ITGA9: variants seen among roughly 807,000 people sequenced by gnomAD.
ITGA9 encodes integrin subunit alpha 9.
A neutral mutation model predicts 127.8 loss-of-function variants in ITGA9; 56 were observed. The observed-to-expected ratio is 0.44, with a 90% confidence interval of 0.35 to 0.55. The LOEUF (loss-of-function observed/expected upper bound fraction) is 0.55. ITGA9 is among the 20% of genes least tolerant of loss of function. ITGA9 has a pLI of 0.00. For synonymous variants in ITGA9, 508 were observed against 514.5 expected, an observed-to-expected ratio of 0.99 and a Z score of 0.17; for missense variants, 1,196 against 1,347.1, an observed-to-expected ratio of 0.89 and a Z score of 1.76.
rs1484744950 is a variant in ITGA9 at position 37,471,107 on chromosome 3, A to T, written c.286A>T (p.Arg96Ter). The T allele has an allele frequency of 6.2e-7, 1 of 1,614,048 alleles. No homozygotes were observed. The highest frequency in any genetic ancestry group is 1.7e-5 in the Admixed American group (1 of 60,024). The change falls in exon 2 of 28, where the codon AGA (arginine) becomes TGA (stop). Residue 96 changes from arginine (R) to a stop codon, truncating the protein, a stop_gained. Coordinates refer to ENST00000264741, the MANE Select transcript of ITGA9 (RefSeq NM_002207.3). LOFTEE classifies it high-confidence loss of function. ...KCRVHTNPDR[R>*]CTELDMARGK... is the part of the protein sequence containing the mutation. The stretch of plus-strand genomic sequence containing the variant: ...CCGTGTTCACACCAACCCTGACCGG[A>T]GATGCACCGAACTGGACATGGCTCG...
Position 37,750,531 on chromosome 3 carries a change from T to C in ITGA9, c.2503T>C (p.Ser835Pro). 1 of 1,613,758 alleles carries C rather than the reference T, an allele frequency of 6.2e-7. No individual in the cohort carries two copies. The highest frequency in any genetic ancestry group is 8.5e-7 in the Non-Finnish European group (1 of 1,179,622). The stretch of plus-strand genomic sequence containing the variant: ...CATCTCTTTCCCTAATCGACTCTCA[T>C]CTGGTGGTGCAGAGATGTTTCATGT... ...VSISFPNRLS[S>P]GGAEMFHVQE... Residue 835 changes from serine (S) to proline (P), a missense_variant, in exon 23 of 28, where the codon TCT (serine) becomes CCT (proline). Physicochemically the swap from Ser to Pro is moderately conservative, Grantham distance 74. Coordinates refer to ENST00000264741, the MANE Select transcript of ITGA9 (RefSeq NM_002207.3).
rs188040698 is a variant in ITGA9 at position 37,816,731 on chromosome 3, T to C, written c.3010-2160T>C. ...GTGTGGGGGCGTCAGAACATGGCAT[T>C]CTGATGAATGTGGTCTTATGCTGGG... is the stretch of plus-strand genomic sequence containing the variant. On this transcript the variant is annotated intron_variant, in intron 27 of 27. Coordinates refer to ENST00000264741, the MANE Select transcript of ITGA9 (RefSeq NM_002207.3). Among the ~76,000 whole-genome samples, 19 of 152,270 alleles carry C rather than the reference T, an allele frequency of 1.2e-4. No individual in the cohort carries two copies. The East Asian group carries it at 3.5e-3, about 28-fold the overall frequency.
At chr3:37,690,118 C>T (rs999110601) in intron 18 of ITGA9, among the ~76,000 whole-genome samples, 1 of 152,168 alleles carries the variant, frequency 6.6e-6, no homozygotes, top group Non-Finnish European at 1.5e-5. Context: ...CATGGATGAG[C>T]CTCCAAAGGA....
At chr3:37,699,522 C>T (rs1275540965) in intron 18 of ITGA9, among the ~76,000 whole-genome samples, 1 of 152,196 alleles carries the variant, frequency 6.6e-6, no homozygotes, top group Non-Finnish European at 1.5e-5. Context: ...CATCTTGGTC[C>T]AAGTCACCAT....
intron 18 of ITGA9, among the ~76,000 whole-genome samples, chr3:37,712,910 G>A (rs1701094322): frequency 6.6e-6 from 1 of 152,168 alleles, no homozygotes; most frequent in Non-Finnish European, 1.5e-5. Context: ...CCATGGTATT[G>A]TTATCCTCAT....
chr3:37,641,099 G>C (rs934369216), intron 16 of ITGA9, among the ~76,000 whole-genome samples: 1 of 152,070 alleles, frequency 6.6e-6, no homozygotes, highest in South Asian at 2.1e-4. Flanking sequence ...CCGGTGGGAC[G>C]CAATGGCACC....
intron 16 of ITGA9, among the ~76,000 whole-genome samples, chr3:37,636,558 G>A (rs371535719): frequency 1.3e-5 from 2 of 152,138 alleles, no homozygotes; most frequent in East Asian, 1.9e-4. Context: ...GTAGGTTGCA[G>A]AAATTTTCTC....
chr3:37,761,384 A>G (rs780826101), intron 23 of ITGA9, among the ~76,000 whole-genome samples: 1 of 152,208 alleles, frequency 6.6e-6, no homozygotes, highest in Non-Finnish European at 1.5e-5. Context: ...GAAACTTCTA[A>G]TTTTCTGATA....
intron 15 of ITGA9, among the ~76,000 whole-genome samples, chr3:37,578,661 G>T (rs1699676140): frequency 6.6e-6 from 1 of 152,038 alleles, no homozygotes; most frequent in Admixed American, 6.6e-5. Flanking sequence ...GGATTTAGAT[G>T]GGCTCAGGAA....
rs74979855 is a variant in ITGA9 at position 37,729,614 on chromosome 3, C to T, written c.2068-3098C>T. ...AAAGCTAATTAAACTGAGGTTTCCT[C>T]GAGTTCCAGAGTACATTTTTGAAGA... On this transcript the variant is annotated intron_variant, in intron 18 of 27. Coordinates refer to ENST00000264741, the MANE Select transcript of ITGA9 (RefSeq NM_002207.3). 3.4e-3 allele frequency among the ~76,000 whole-genome samples: 521 copies of T among 151,820 alleles called. 10 individuals carry two copies. In the East Asian group the frequency reaches 0.068, roughly 20 times the overall value.
chr3:37,602,166 A>G (rs1218838522), intron 15 of ITGA9, among the ~76,000 whole-genome samples: 3 of 152,236 alleles, frequency 2.0e-5, no homozygotes, highest in African/African-American at 7.2e-5. Flanking sequence ...GTGGGGCCAA[A>G]CAAATCATAT....
At chr3:37,529,774 G>A (rs906528943) in intron 13 of ITGA9, among the ~76,000 whole-genome samples, 2 of 152,320 alleles carry the variant, frequency 1.3e-5, no homozygotes, top group Middle Eastern at 3.4e-3. Context: ...GGGAGGATGG[G>A]AGGCTGCTCC....
intron 17 of ITGA9, among the ~76,000 whole-genome samples, chr3:37,672,727 A>G (rs560817711): frequency 6.6e-6 from 1 of 152,320 alleles, no homozygotes. Context: ...GGGATTACCT[A>G]TGTTTATCTG....
intron 18 of ITGA9, among the ~76,000 whole-genome samples, chr3:37,722,433 A>G (rs1202229163): frequency 5.9e-5 from 9 of 152,214 alleles, no homozygotes; most frequent in Non-Finnish European, 1.2e-4. Context: ...TTACCTCAAA[A>G]AGAACCACCA....
At chr3:37,624,850 G>T (rs901561729) in intron 15 of ITGA9, among the ~76,000 whole-genome samples, 1 of 152,186 alleles carries the variant, frequency 6.6e-6, no homozygotes, top group South Asian at 2.1e-4. Flanking sequence ...CAGGTCATCC[G>T]CCTTCCTCAG....
At chr3:37,493,534 C>G (rs375076292) in intron 4 of ITGA9, among the ~76,000 whole-genome samples, 6 of 152,154 alleles carry the variant, frequency 3.9e-5, no homozygotes, top group African/African-American at 1.4e-4. Context: ...TTTCCAACAT[C>G]CAGTCACTTT....
intron 15 of ITGA9, among the ~76,000 whole-genome samples, chr3:37,607,249 G>A (rs1033767348): frequency 2.1e-4 from 32 of 152,036 alleles, no homozygotes; most frequent in African/African-American, 5.3e-4. Flanking sequence ...GCAGTTGGGT[G>A]GATGGATGAG....
rs1266866060 is a variant in ITGA9, at chr3:37,512,025, TTTC to T, written c.898-1735_898-1733del. 1.4e-4 allele frequency among the ~76,000 whole-genome samples: 2 copies of T among 13,868 alleles called. 1 individual carries two copies. Among genetic ancestry groups the T allele is most frequent in the African/African-American group, 3.3e-4 (2 of 6,080 alleles). 9.1% of individuals were successfully genotyped at this position (13,868 alleles called of 152,430 possible). ...TTTCTTTTCTTTTCTTTTCTTTTCT[TTTC>T]TTTCTTTCTTTCTTTCTTTCTTTCT... is the stretch of plus-strand genomic sequence containing the variant. On this transcript the variant is annotated intron_variant, in intron 8 of 27. Coordinates refer to ENST00000264741, the MANE Select transcript of ITGA9 (RefSeq NM_002207.3).
chr3:37,732,966 C>T (rs927119983), intron 19 of ITGA9, 168 bp downstream of exon 19: 5 of 673,986 alleles, frequency 7.4e-6, no homozygotes, highest in Admixed American at 2.1e-5. Flanking sequence ...GCTGTGTACA[C>T]CGGGGTATAC....
Sources: allele counts gnomAD v4.1 joint callset (sites outside exome capture counted in the v4.1 genomes callset), GRCh38; gene constraint gnomAD v4.1.1; transcripts MANE v1.5; gene names NCBI Gene and HGNC (gene_info 2026-07-23, HGNC 2026-07-21).